ASPRV1: variants seen among roughly 807,000 people sequenced by gnomAD.
ASPRV1 encodes aspartic peptidase retroviral like 1, also known as retroviral-like aspartic protease 1.
In ASPRV1, 7 loss-of-function variants were observed where a neutral mutation model predicts 11.0. The observed-to-expected ratio is 0.64, with a 90% CI of 0.36 to 1.20. The LOEUF (loss-of-function observed/expected upper bound fraction) is 1.20, where lower values mean the gene tolerates loss of function less well. Among genes scored for constraint, ASPRV1 ranks in the 50% most tolerant of loss-of-function variants. The pLI is 0.02. For synonymous variants in ASPRV1, 136 were observed against 138.4 expected (o/e 0.98, Z 0.12); for missense variants, 299 against 320.0 (o/e 0.93, Z 0.50).
chr2:70,034,154 T>TAAA, the ASPRV1 span, among the ~76,000 whole-genome samples: 183 of 69,188 alleles, frequency 2.6e-3, 3 homozygotes, highest in Middle Eastern at 0.011. Flanking sequence ...CTCCATCTCA[T>TAAA]AAAAAAAAAA....
chr2:70,085,152 G>A, the ASPRV1 span, among the ~76,000 whole-genome samples: 1 of 152,168 alleles, frequency 6.6e-6, no homozygotes, highest in East Asian at 1.9e-4. Context: ...TGGTTGGGGT[G>A]CTGGGGTGGG....
the ASPRV1 span, among the ~76,000 whole-genome samples, chr2:70,042,892 A>C: frequency 6.6e-6 from 1 of 152,210 alleles, no homozygotes; most frequent in African/African-American, 2.4e-5. Flanking sequence ...AGTGAAGCTA[A>C]AAGTCTGGAT....
chr2:70,062,299 C>G, the ASPRV1 span, among the ~76,000 whole-genome samples: 2 of 151,920 alleles, frequency 1.3e-5, no homozygotes, highest in Admixed American at 1.3e-4. Context: ...GAGCGAAACT[C>G]CATCTCAAAA....
At chr2:70,014,814 A>AG in the ASPRV1 span, among the ~76,000 whole-genome samples, 1 of 150,062 alleles carries the variant, frequency 6.7e-6, no homozygotes, top group Non-Finnish European at 1.5e-5. Flanking sequence ...AAAAAAAAAA[A>AG]AAAAGAAAAA....
the ASPRV1 span, among the ~76,000 whole-genome samples, chr2:69,992,253 T>C: frequency 1.3e-5 from 2 of 152,236 alleles, no homozygotes; most frequent in African/African-American, 4.8e-5. Flanking sequence ...CGTCTTCGCC[T>C]AGCCGAGGGG....
chr2:69,947,263 C>T, the ASPRV1 span, among the ~76,000 whole-genome samples: 1 of 152,190 alleles, frequency 6.6e-6, no homozygotes, highest in South Asian at 2.1e-4. Context: ...AAGAGATAAT[C>T]AGGATGGAAC....
chr2:70,039,591 G>C, the ASPRV1 span, among the ~76,000 whole-genome samples: 1 of 152,158 alleles, frequency 6.6e-6, no homozygotes, highest in Non-Finnish European at 1.5e-5. Flanking sequence ...CAGCAGGGGA[G>C]GTGCCAATTA....
chr2:70,043,056 G>A, the ASPRV1 span, among the ~76,000 whole-genome samples: 1 of 152,178 alleles, frequency 6.6e-6, no homozygotes, highest in Non-Finnish European at 1.5e-5. Context: ...AGAAAACGCT[G>A]TGAGAATTCT....
At chr2:70,053,691 T>C in the ASPRV1 span, 8 of 152,186 alleles carry the variant, frequency 5.3e-5, no homozygotes, top group African/African-American at 1.9e-4. Context: ...AACTATCAAG[T>C]CTGATTCTTC....
the ASPRV1 span, among the ~76,000 whole-genome samples, chr2:70,079,900 T>G: frequency 6.6e-6 from 1 of 150,538 alleles, no homozygotes; most frequent in Non-Finnish European, 1.5e-5. Context: ...ATCAATGCTC[T>G]TAATCGGGAC....
chr2:70,042,473 G>T, the ASPRV1 span, among the ~76,000 whole-genome samples: 2 of 152,228 alleles, frequency 1.3e-5, no homozygotes, highest in Admixed American at 1.3e-4. Context: ...CAGGGCTTTA[G>T]TCCTGGACAG....
chr2:70,055,778 T>G, the ASPRV1 span: 1 of 152,024 alleles, frequency 6.6e-6, no homozygotes, highest in Non-Finnish European at 1.5e-5. Context: ...AAAAAAAAAT[T>G]TATAAAGGCA....
the ASPRV1 span, among the ~76,000 whole-genome samples, chr2:69,981,642 C>T: frequency 7.2e-4 from 110 of 152,266 alleles, no homozygotes; most frequent in African/African-American, 2.4e-3. Context: ...CTGCAACCTC[C>T]GCCTCCCGGG....
the ASPRV1 span, among the ~76,000 whole-genome samples, chr2:70,010,606 G>A: frequency 6.6e-6 from 1 of 152,188 alleles, no homozygotes; most frequent in Non-Finnish European, 1.5e-5. Flanking sequence ...GCTCACAAGA[G>A]AAGTATTTAA....
chr2:69,948,252 A>C, the ASPRV1 span, among the ~76,000 whole-genome samples: 4 of 152,212 alleles, frequency 2.6e-5, no homozygotes, highest in African/African-American at 9.6e-5. Flanking sequence ...TGTCTCAAAC[A>C]AACAATCAAA....
the ASPRV1 span, among the ~76,000 whole-genome samples, chr2:69,986,840 A>C: frequency 1.3e-5 from 2 of 152,170 alleles, no homozygotes; most frequent in Non-Finnish European, 2.9e-5. Context: ...AAGGACTGGG[A>C]GGTCACTTAG....
At chr2:70,065,651 T>C in the ASPRV1 span, among the ~76,000 whole-genome samples, 1 of 148,898 alleles carries the variant, frequency 6.7e-6, no homozygotes, top group Non-Finnish European at 1.5e-5. Flanking sequence ...TGAGACCTCG[T>C]TTCTACAAAA....
chr2:70,060,021 A>C, the ASPRV1 span: 1 of 152,134 alleles, frequency 6.6e-6, no homozygotes, highest in Non-Finnish European at 1.5e-5. Flanking sequence ...TCTCCTACAC[A>C]GGTAAAATCA....
chr2:70,028,537 T>C, the ASPRV1 span: 1 of 152,192 alleles, frequency 6.6e-6, no homozygotes, highest in Non-Finnish European at 1.5e-5. Context: ...GGTGACATAG[T>C]AGGAACCCTG....
Sources: gnomAD v4.1 joint callset for allele counts (sites outside exome capture counted in the v4.1 genomes callset) on GRCh38, gnomAD v4.1.1 for gene constraint, MANE v1.5 for transcripts, NCBI Gene and HGNC (gene_info 2026-07-23, HGNC 2026-07-21) for gene names.